Variants in ADGRG4 observed in about 807,000 individuals in gnomAD.
ADGRG4 encodes G protein-coupled receptor 112.
In ADGRG4, 122 loss-of-function variants were observed where a neutral mutation model predicts 126.2. The observed-to-expected ratio is 0.97, with a 90% CI of 0.83 to 1.12. The LOEUF (loss-of-function observed/expected upper bound fraction) is 1.12. ADGRG4 is among the 50% of genes most tolerant of loss of function. The pLI is 0.00. For missense variants in ADGRG4, 2,481 were observed against 2,251.8 expected (o/e 1.10, Z -2.06); for synonymous variants, 943 against 838.7 (o/e 1.12, Z -2.15).
intron 4 of ADGRG4, among the ~76,000 whole-genome samples, chrX:136,319,697 TTCTATCTATCTA>T (rs59139457): frequency 0.013 from 1,222 of 95,068 alleles, 7 homozygotes; most frequent in Middle Eastern, 0.032. Context: ...GCCACAGTGA[TTCTATCTATCTA>T]TCTATCTATC....
chrX:136,405,551 GT>G, intron 22 of ADGRG4, 140 bp from the exon 23 acceptor site: 1 of 385,610 alleles, frequency 2.6e-6, no homozygotes. Flanking sequence ...CCTCCAGTTG[GT>G]ATGAGTGAAC....
intron 15 of ADGRG4, among the ~76,000 whole-genome samples, chrX:136,375,951 C>A (rs2075223203): frequency 8.9e-6 from 1 of 112,198 alleles, no homozygotes; most frequent in Admixed American, 9.5e-5. Context: ...GTCATGAATT[C>A]TTTGCCTAGG....
intron 12 of ADGRG4, among the ~76,000 whole-genome samples, chrX:136,362,576 C>G (rs1002890382): frequency 1.8e-5 from 2 of 111,564 alleles, no homozygotes; most frequent in Non-Finnish European, 3.8e-5. Context: ...CGTAGGCTTC[C>G]TCTCCTGCTG....
chrX:136,354,665 C>T (rs1258799318), intron 8 of ADGRG4, among the ~76,000 whole-genome samples: 1 of 111,254 alleles, frequency 9.0e-6, no homozygotes, highest in East Asian at 2.8e-4. Flanking sequence ...AGTCAAAAGT[C>T]CAGGCCTCCA....
rs1181888645 is a variant in ADGRG4, at chrX:136,348,134, C to T, written c.4428C>T (p.Asp1476=). ...TTTCCACAGCTGGACTATATAATGA[C>T]GGTTTTACAGTTCTCTCCGACAGGA... ...LSLSTAGLYN[D]GFTVLSDRIT... The change falls in exon 6 of 26, where the codon GAC becomes GAT. Residue 1476 remains aspartate, a synonymous_variant. Coordinates refer to ENST00000394143, the MANE Select transcript of ADGRG4 (RefSeq NM_153834.4). 2 of 1,209,946 alleles carry T rather than the reference C, an allele frequency of 1.7e-6. No individual in the cohort carries two copies. Among genetic ancestry groups the T allele is most frequent in the South Asian group, 1.8e-5 (1 of 56,899 alleles).
chrX:136,301,049 G>C (rs1365180182), intron 1 of ADGRG4, 49 bp downstream of exon 1: 1 of 112,413 alleles, frequency 8.9e-6, no homozygotes, highest in Non-Finnish European at 1.9e-5. Flanking sequence ...ATAAACATAT[G>C]TGTGCATGTG....
intron 15 of ADGRG4, among the ~76,000 whole-genome samples, chrX:136,380,605 T>TC: frequency 3.4e-5 from 1 of 29,683 alleles, no homozygotes. Context: ...CTCCTCCTCC[T>TC]CTTCTTCTTC....
At chrX:136,327,941 T>C (rs1160550910) in intron 5 of ADGRG4, among the ~76,000 whole-genome samples, 1 of 111,370 alleles carries the variant, frequency 9.0e-6, no homozygotes, top group Non-Finnish European at 1.9e-5. Flanking sequence ...TAAAGTCTCC[T>C]TTCACTTCAA....
chrX:136,389,108 C>T (rs1319225595), intron 16 of ADGRG4, among the ~76,000 whole-genome samples: 1 of 111,560 alleles, frequency 9.0e-6, no homozygotes, highest in Non-Finnish European at 1.9e-5. Context: ...TTTCTGTTCC[C>T]CTGGAGTTCT....
chrX:136,413,818 G>A (rs1223179624), intron 24 of ADGRG4, among the ~76,000 whole-genome samples: 15 of 107,291 alleles, frequency 1.4e-4, no homozygotes, highest in South Asian at 4.2e-4. Context: ...TCGGCTCACC[G>A]CAACTTCCGC....
At chrX:136,338,392 G>A (rs761054958) in intron 5 of ADGRG4, among the ~76,000 whole-genome samples, 3 of 110,537 alleles carry the variant, frequency 2.7e-5, no homozygotes, top group South Asian at 3.9e-4. Context: ...CAGATGATCC[G>A]TCTTCCTTTC....
At chrX:136,304,312 A>C (rs1389360428) in intron 2 of ADGRG4, 105 bp downstream of exon 2, 1 of 111,931 alleles carries the variant, frequency 8.9e-6, no homozygotes, top group Admixed American at 9.5e-5. Context: ...TTTTAACAAA[A>C]CATAGTGTTT....
intron 16 of ADGRG4, among the ~76,000 whole-genome samples, chrX:136,389,391 G>A (rs775709320): frequency 2.7e-5 from 3 of 112,222 alleles, no homozygotes; most frequent in Admixed American, 9.4e-5. Flanking sequence ...TGCTTGTCTC[G>A]TAGAATAAGA....
intron 3 of ADGRG4, among the ~76,000 whole-genome samples, chrX:136,307,080 C>T (rs2074738787): frequency 8.9e-6 from 1 of 111,839 alleles, no homozygotes; most frequent in African/African-American, 3.2e-5. Flanking sequence ...TTATTGGGCA[C>T]CAGGTAAGTT....
chrX:136,414,089 A>T lies in ADGRG4; in HGVS notation c.9038-71A>T, dbSNP rs191443384. 9.6e-4 allele frequency: 868 copies of T among 908,491 alleles called. 7 individuals are homozygous for T. The African/African-American group carries it at 0.016, about 17-fold the overall frequency. 74.9% of individuals were successfully genotyped at this position (908,491 alleles called of 1,213,427 possible). ...GTTATTGAAGTGTAATTTATATACC[A>T]TACAATTCACTACTTTAAGTATAGA... is the stretch of plus-strand genomic sequence containing the variant. On this transcript the variant is annotated intron_variant, in intron 24 of 25. Transcript: ENST00000394143.
In ADGRG4 at chrX:136,348,331, C is replaced by T. The variant is rs372000138; in HGVS notation, c.4625C>T (p.Thr1542Ile). ...PPIVITKSSKTMHPGCLKSPC... is the reference protein window; with the variant it reads ...PPIVITKSSKIMHPGCLKSPC... Reference sequence around the variant, plus strand: ...ATAGTGATAACTAAATCTTCTAAAACAATGCATCCAGGTTGTTTGAAAAGT... The same window carrying T: ...ATAGTGATAACTAAATCTTCTAAAATAATGCATCCAGGTTGTTTGAAAAGT... Residue 1542 changes from threonine (T) to isoleucine (I), a missense_variant, in exon 6 of 26, where the codon ACA becomes ATA. Physicochemically the swap from Thr to Ile is moderately conservative, Grantham distance 89 (BLOSUM62 -1). Transcript: ENST00000394143. 19 of 1,207,900 alleles carry T rather than the reference C, an allele frequency of 1.6e-5. No individual in the cohort carries two copies. Among genetic ancestry groups the T allele is most frequent in the Non-Finnish European group, 2.0e-5 (18 of 893,778 alleles).
Position 136,348,219 on chromosome X carries a change from G to A in ADGRG4, c.4513G>A (p.Ala1505Thr), listed in dbSNP as rs1430733844. The A allele has an allele frequency of 1.7e-6, 2 of 1,208,986 alleles. No homozygotes were observed. Among genetic ancestry groups the A allele is most frequent in the Admixed American group, 4.4e-5 (2 of 45,947 alleles). The stretch of plus-strand genomic sequence containing the variant: ...AATGCTTCCTAGAGAATCCTCTATG[G>A]CAACGTCCACTCCTATTTACCAGAT... ...PTMLPRESSM[A>T]TSTPIYQMSS... The change falls in exon 6 of 26, where the codon GCA becomes ACA. Residue 1505 changes from alanine to threonine, a missense_variant. Physicochemically the swap from Ala to Thr is moderately conservative, Grantham distance 58 (BLOSUM62 0). Coordinates refer to ENST00000394143, the MANE Select transcript of ADGRG4 (RefSeq NM_153834.4).
chrX:136,364,850 C>T (rs769698760), intron 13 of ADGRG4, among the ~76,000 whole-genome samples: 12 of 111,581 alleles, frequency 1.1e-4, no homozygotes, highest in Admixed American at 3.8e-4. Flanking sequence ...ACCACTGCTT[C>T]GATGAATATT....
In ADGRG4 at chrX:136,400,073, A is replaced by G. The variant is rs750900820; in HGVS notation, c.8532A>G (p.Ile2844Met). The change falls in exon 21 of 26, where the codon ATA becomes ATG. Residue 2844 changes from isoleucine (I) to methionine (M), a missense_variant. Physicochemically the swap from Ile to Met is conservative, Grantham distance 10. Transcript: ENST00000394143. ...MYLALVKVFN[I>M]YIPNYILKFC... Reference sequence around the variant, plus strand: ...TGGCTCTAGTCAAAGTCTTCAACATATACATTCCAAATTATATCCTTAAAT... The same window carrying G: ...TGGCTCTAGTCAAAGTCTTCAACATGTACATTCCAAATTATATCCTTAAAT... 9.1e-6 allele frequency: 11 copies of G among 1,203,528 alleles called. No homozygotes were observed. Among genetic ancestry groups the G allele is most frequent in the Non-Finnish European group, 9.0e-6 (8 of 888,264 alleles).
Sources: allele counts gnomAD v4.1 joint callset (sites outside exome capture counted in the v4.1 genomes callset), GRCh38; gene constraint gnomAD v4.1.1; transcripts MANE v1.5; gene names NCBI Gene and HGNC (gene_info 2026-07-23, HGNC 2026-07-21).